PRR11: variants seen among roughly 807,000 people sequenced by gnomAD.
PRR11 encodes the protein proline-rich protein 11.
In PRR11, 30 loss-of-function variants were observed where a neutral mutation model predicts 45.6. The ratio of observed to expected loss-of-function variants is 0.66; its 90% CI spans 0.49 to 0.89. PRR11 has a LOEUF of 0.89. PRR11 is among the 40% of genes least tolerant of loss of function. The probability of loss-of-function intolerance (pLI) is 0.00; values close to 1 mark genes in which losing one functional copy is unlikely to be tolerated. For synonymous variants in PRR11, 128 were observed against 153.5 expected, an observed-to-expected ratio of 0.83 and a Z score of 1.23; for missense variants, 373 against 424.8, an observed-to-expected ratio of 0.88 and a Z score of 1.07.
In PRR11 at chr17:59,192,329, A is replaced by G. The variant is rs575214162; in HGVS notation, c.403-1163A>G. Among the ~76,000 whole-genome samples the G allele has an allele frequency of 2.6e-5, 4 of 152,306 alleles. No individual in the cohort carries two copies. The South Asian group carries it at 8.3e-4, about 32-fold the overall frequency. ...AGCTCCTACGACACCTTGATGACAG[A>G]CTTTTCGCCTCAAGCACTGTGCGAA... On this transcript the variant is annotated intron_variant, in intron 4 of 9. Transcript: ENST00000262293.
At chr17:59,200,830 TC>T (rs2046889097) in intron 9 of PRR11, among the ~76,000 whole-genome samples, 1 of 151,940 alleles carries the variant, frequency 6.6e-6, no homozygotes, top group African/African-American at 2.4e-5. Flanking sequence ...TCACTATATC[TC>T]CCAGGCTGGT....
At position 59,201,804 on chromosome 17, in the gene PRR11, C is replaced by A; in HGVS notation, c.*173C>A. On this transcript the variant is annotated 3_prime_UTR_variant, in exon 10 of 10. Transcript: ENST00000262293. ...TGGCCAACATGGTGAAACTCCTTCC[C>A]CACTAAAAATACAGAAATTAGCTGG... 1 of 613,100 alleles carries A rather than the reference C, an allele frequency of 1.6e-6. No homozygotes were observed. The highest frequency in any genetic ancestry group is 2.9e-6 in the Non-Finnish European group (1 of 348,918). The allele number at this position is 613,100 out of a possible 1,614,324, so 38.0% of individuals were successfully genotyped here.
At chr17:59,167,735 T>C (rs1217153332) in intron 1 of PRR11, among the ~76,000 whole-genome samples, 6 of 152,188 alleles carry the variant, frequency 3.9e-5, no homozygotes, top group African/African-American at 1.2e-4. Context: ...ACCATGGCAT[T>C]TGTAAACTGT....
intron 1 of PRR11, among the ~76,000 whole-genome samples, chr17:59,163,851 C>T (rs528064778): frequency 7.2e-5 from 11 of 152,044 alleles, no homozygotes; most frequent in African/African-American, 2.4e-4. Context: ...TGGATCTCGA[C>T]GTCAGGAGTT....
rs1290666577 is a variant in PRR11 at position 59,175,097 on chromosome 17, G to A, written c.128+5217G>A. 1.2e-5 allele frequency: 7 copies of A among 571,190 alleles called. No homozygotes were observed. The Admixed American group carries it at 1.5e-4, about 12-fold the overall frequency. 35.4% of individuals were successfully genotyped at this position (571,190 alleles called of 1,614,324 possible). A position where few individuals can be genotyped will look rare whatever the true frequency, so the allele number is the denominator to read the frequency against. On this transcript the variant is annotated intron_variant, in intron 2 of 9. Transcript: ENST00000262293. The stretch of plus-strand genomic sequence containing the variant: ...AGAAAATGTTTCATTTGGAGGCCTC[G>A]TTGTCCTCCTCCATGTCATTGGCCA...
At chr17:59,188,128 G>A (rs1316677490) in intron 4 of PRR11, among the ~76,000 whole-genome samples, 9 of 152,038 alleles carry the variant, frequency 5.9e-5, no homozygotes, top group Admixed American at 4.6e-4. Context: ...CAGTGTGTCC[G>A]GCTAAAAGTC....
chr17:59,190,364 C>T (rs934328521), intron 4 of PRR11, among the ~76,000 whole-genome samples: 5 of 151,694 alleles, frequency 3.3e-5, no homozygotes, highest in African/African-American at 1.2e-4. Flanking sequence ...CCCAGCTATT[C>T]GGGAGGCTGA....
intron 1 of PRR11, among the ~76,000 whole-genome samples, chr17:59,161,873 GA>G (rs1250990161): frequency 1.3e-5 from 2 of 152,152 alleles, no homozygotes; most frequent in African/African-American, 2.4e-5. Context: ...TTGGAAAGGG[GA>G]TAAGTATACG....
In PRR11 at chr17:59,187,312, C is replaced by T. The variant is rs1204348635; in HGVS notation, c.402+1750C>T. On this transcript the variant is annotated intron_variant, in intron 4 of 9. Transcript: ENST00000262293. The stretch of plus-strand genomic sequence containing the variant: ...TCAGGGGCTGGGCGCGGTGGCTTAC[C>T]CCTGTAATCCCACCACTTTGGAAGA... 2.6e-5 allele frequency among the ~76,000 whole-genome samples: 4 copies of T among 151,954 alleles called. No individual in the cohort carries two copies. In the East Asian group the frequency reaches 7.7e-4, roughly 29 times the overall value.
intron 1 of PRR11, among the ~76,000 whole-genome samples, chr17:59,159,110 G>A (rs2046639622): frequency 1.3e-5 from 2 of 152,070 alleles, no homozygotes; most frequent in South Asian, 2.1e-4. Context: ...GTGAGCCACC[G>A]CACCCAGCCT....
intron 4 of PRR11, among the ~76,000 whole-genome samples, chr17:59,193,130 C>T (rs2046847117): frequency 6.6e-6 from 1 of 152,088 alleles, no homozygotes; most frequent in East Asian, 1.9e-4. Flanking sequence ...AGGCTGGTCT[C>T]GAACTCCTGG....
intron 7 of PRR11, among the ~76,000 whole-genome samples, chr17:59,197,198 C>T (rs2046870524): frequency 6.6e-6 from 1 of 151,770 alleles, no homozygotes; most frequent in African/African-American, 2.4e-5. Context: ...AGGATGTTGC[C>T]TATAGAAATG....
chr17:59,201,844 G>A lies in PRR11; in HGVS notation c.*213G>A, dbSNP rs1454694962. On this transcript the variant is annotated 3_prime_UTR_variant, in exon 10 of 10. Coordinates refer to ENST00000262293, the MANE Select transcript of PRR11 (RefSeq NM_018304.4). ...AAATTAGCTGGGCATAGTGGCGGGT[G>A]CCTGTAATCCCAGCTATGCGGGAGG... 4.0e-5 allele frequency: 20 copies of A among 505,182 alleles called. 2 individuals carry two copies. The East Asian group carries it at 7.1e-4, about 18-fold the overall frequency. 31.3% of individuals were successfully genotyped at this position (505,182 alleles called of 1,614,324 possible). A position where few individuals can be genotyped will look rare whatever the true frequency, so the allele number is the denominator to read the frequency against.
chr17:59,190,335 GT>G (rs976781073), intron 4 of PRR11, among the ~76,000 whole-genome samples: 2 of 152,070 alleles, frequency 1.3e-5, no homozygotes, highest in Non-Finnish European at 2.9e-5. Flanking sequence ...AGCTGGGCGT[GT>G]TGTCACACAC....
At chr17:59,171,266 A>C in intron 2 of PRR11, among the ~76,000 whole-genome samples, 1 of 152,194 alleles carries the variant, frequency 6.6e-6, no homozygotes. Context: ...CCGTCTCAAA[A>C]AAAAAAAAAG....
At chr17:59,189,764 C>A (rs2046832375) in intron 4 of PRR11, among the ~76,000 whole-genome samples, 1 of 152,034 alleles carries the variant, frequency 6.6e-6, no homozygotes, top group Admixed American at 6.5e-5. Flanking sequence ...TTTTTGAATT[C>A]CTATAATTTT....
intron 7 of PRR11, among the ~76,000 whole-genome samples, chr17:59,196,306 T>G (rs1243301538): frequency 6.6e-6 from 1 of 152,160 alleles, no homozygotes; most frequent in Non-Finnish European, 1.5e-5. Flanking sequence ...CCATATTTGC[T>G]TGATTCCAAG....
chr17:59,203,155 T>C lies in PRR11; in HGVS notation c.*1524T>C, dbSNP rs1175037937. Among the ~76,000 whole-genome samples the C allele has an allele frequency of 6.6e-6, 1 of 152,202 alleles. No homozygotes were observed. Among genetic ancestry groups the C allele is most frequent in the African/African-American group, 2.4e-5 (1 of 41,466 alleles). On this transcript the variant is annotated 3_prime_UTR_variant, in exon 10 of 10. Coordinates refer to ENST00000262293, the MANE Select transcript of PRR11 (RefSeq NM_018304.4). ...TAGAAAGCAGACCTGGGGACAGTGTTTACCACCTAAGAGGCAGTCCTGTTT... is the reference window on the plus strand; with the variant it reads ...TAGAAAGCAGACCTGGGGACAGTGTCTACCACCTAAGAGGCAGTCCTGTTT...
At chr17:59,176,410 C>A (rs1186505950) in intron 2 of PRR11, among the ~76,000 whole-genome samples, 1 of 152,090 alleles carries the variant, frequency 6.6e-6, no homozygotes, top group Non-Finnish European at 1.5e-5. Flanking sequence ...GGGAGAGACT[C>A]CAGGAGGCCC....
Sources: allele counts gnomAD v4.1 joint callset (sites outside exome capture counted in the v4.1 genomes callset), GRCh38; gene constraint gnomAD v4.1.1; transcripts MANE v1.5; gene names NCBI Gene and HGNC (gene_info 2026-07-23, HGNC 2026-07-21).